The following CALD1 variants were observed in gnomAD, a reference collection of about 807,000 sequenced individuals.
CALD1 encodes caldesmon 1.
In CALD1, 33 loss-of-function variants were observed where a neutral mutation model predicts 99.9. The ratio of observed to expected loss-of-function variants is 0.33; its 90% confidence interval spans 0.25 to 0.44. The LOEUF is 0.44. Among genes scored for constraint, CALD1 ranks in the 20% least tolerant of loss-of-function variants. The pLI, the probability that CALD1 is intolerant of heterozygous loss-of-function variation, is 1.00. For missense variants in CALD1, 861 were observed against 962.1 expected (o/e 0.89, Z 1.39); for synonymous variants, 310 against 325.0 (o/e 0.95, Z 0.50).
chr7:134,782,429 C>T (rs970388465), intron 1 of CALD1, among the ~76,000 whole-genome samples: 12 of 152,168 alleles, frequency 7.9e-5, no homozygotes, highest in Non-Finnish European at 1.5e-4. Flanking sequence ...ATCTGTCAGG[C>T]TAATCCAAGT....
chr7:134,845,346 T>G (rs1799808693), intron 2 of CALD1, among the ~76,000 whole-genome samples: 1 of 152,222 alleles, frequency 6.6e-6, no homozygotes, highest in Non-Finnish European at 1.5e-5. Context: ...ATTTATTTGC[T>G]TTAAGACTGT....
chr7:134,820,697 A>C (rs906701147), intron 1 of CALD1, among the ~76,000 whole-genome samples: 3 of 152,152 alleles, frequency 2.0e-5, no homozygotes, highest in African/African-American at 7.2e-5. Context: ...ATTTTCCATA[A>C]ATGCTAGATG....
At chr7:134,835,091 G>A (rs1052146866) in intron 1 of CALD1, among the ~76,000 whole-genome samples, 1 of 152,214 alleles carries the variant, frequency 6.6e-6, no homozygotes, top group African/African-American at 2.4e-5. Context: ...TCTTTCAGCT[G>A]AATGTGCAAA....
At chr7:134,848,782 C>T (rs546700464) in intron 2 of CALD1, among the ~76,000 whole-genome samples, 64 of 152,224 alleles carry the variant, frequency 4.2e-4, no homozygotes, top group African/African-American at 1.3e-3. Flanking sequence ...TGAGAGACTC[C>T]GGGAATCTAG....
intron 1 of CALD1, among the ~76,000 whole-genome samples, chr7:134,821,621 CA>C (rs1401749908): frequency 1.4e-5 from 1 of 70,788 alleles, no homozygotes; most frequent in East Asian, 1.0e-3. Flanking sequence ...CTCGCTCCGT[CA>C]CCCAGGCTGG....
chr7:134,818,389 A>G (rs1311034493), intron 1 of CALD1, among the ~76,000 whole-genome samples: 1 of 152,238 alleles, frequency 6.6e-6, no homozygotes, highest in Non-Finnish European at 1.5e-5. Flanking sequence ...AAGGAAAAGT[A>G]AATTGCTTTC....
At chr7:134,724,621 G>C in the CALD1 span, among the ~76,000 whole-genome samples, 3 of 152,210 alleles carry the variant, frequency 2.0e-5, no homozygotes, top group Non-Finnish European at 4.4e-5. Context: ...ATAGTCAGTA[G>C]CTGGCTAAAG....
At chr7:134,895,294 ATGTATGTGTGTG>A (rs1371938690) in intron 3 of CALD1, among the ~76,000 whole-genome samples, 10 of 122,732 alleles carry the variant, frequency 8.1e-5, no homozygotes, top group African/African-American at 2.7e-4. Context: ...GGTTTTATAT[ATGTATGTGTGTG>A]TGTGTGTGTG....
chr7:134,958,473 A>G (rs991635454), intron 11 of CALD1, among the ~76,000 whole-genome samples, 183 bp downstream of exon 11: 42 of 148,204 alleles, frequency 2.8e-4, no homozygotes, highest in African/African-American at 1.0e-3. Flanking sequence ...TGCAATGGCA[A>G]TCTCAGCTCA....
chr7:134,802,855 AC>A (rs750033708), intron 1 of CALD1, among the ~76,000 whole-genome samples: 2 of 152,240 alleles, frequency 1.3e-5, no homozygotes, highest in Non-Finnish European at 2.9e-5. Context: ...AGATTCAAGT[AC>A]CTTTTTCCGT....
At chr7:134,733,853 A>AATGATAT in the CALD1 span, among the ~76,000 whole-genome samples, 3 of 150,972 alleles carry the variant, frequency 2.0e-5, no homozygotes, top group Non-Finnish European at 4.4e-5. Flanking sequence ...AGGTCTGCTA[A>AATGATAT]ATGATATTAA....
Position 134,969,153 on chromosome 7 carries a change from T to TA in CALD1, c.*814dup, listed in dbSNP as rs766262287. On this transcript the variant is annotated 3_prime_UTR_variant, in exon 15 of 15. Transcript: ENST00000361675. ...GCCAATATCACAGCTTTTGAAAAAT[T>TA]AAAAAATCACACTATATTAATATTT... The TA allele has an allele frequency of 1.3e-5, 2 of 152,722 alleles. No homozygotes were observed. Among genetic ancestry groups the TA allele is most frequent in the African/African-American group, 2.4e-5 (1 of 41,442 alleles). 9.5% of individuals were successfully genotyped at this position (152,722 alleles called of 1,614,324 possible).
intron 1 of CALD1, among the ~76,000 whole-genome samples, chr7:134,756,930 C>T (rs377372608): frequency 5.5e-4 from 83 of 152,188 alleles, no homozygotes; most frequent in African/African-American, 2.0e-3. Flanking sequence ...CTGAAAGTAG[C>T]GCTATGCGTA....
chr7:134,793,603 C>T (rs942632729), intron 1 of CALD1, among the ~76,000 whole-genome samples: 6 of 152,104 alleles, frequency 3.9e-5, no homozygotes, highest in African/African-American at 1.2e-4. Flanking sequence ...CTGTCTTAGG[C>T]CAGGGGTAGT....
intron 1 of CALD1, among the ~76,000 whole-genome samples, chr7:134,821,091 G>T (rs963253061): frequency 2.0e-5 from 3 of 152,050 alleles, no homozygotes; most frequent in Non-Finnish European, 4.4e-5. Flanking sequence ...GTTGGAATTT[G>T]TGATTACACC....
chr7:134,885,450 T>A (rs748755947), intron 3 of CALD1, among the ~76,000 whole-genome samples: 10 of 152,214 alleles, frequency 6.6e-5, no homozygotes, highest in Non-Finnish European at 1.3e-4. Flanking sequence ...AGGAAATCAA[T>A]ATTTTTTAAG....
At chr7:134,932,799 A>G (rs149128057) in intron 4 of CALD1, among the ~76,000 whole-genome samples, 189 bp from the exon 5 acceptor site, 5 of 152,344 alleles carry the variant, frequency 3.3e-5, no homozygotes, top group Non-Finnish European at 5.9e-5. Context: ...TCCAGTCCCC[A>G]GAGAAAGGCT....
intron 1 of CALD1, among the ~76,000 whole-genome samples, chr7:134,746,175 A>T (rs1796632975): frequency 6.6e-6 from 1 of 152,196 alleles, no homozygotes; most frequent in African/African-American, 2.4e-5. Flanking sequence ...TAACTCCAAG[A>T]TGATAATATT....
At chr7:134,904,615 T>C (rs902359286) in intron 3 of CALD1, among the ~76,000 whole-genome samples, 8 of 152,164 alleles carry the variant, frequency 5.3e-5, no homozygotes, top group African/African-American at 1.9e-4. Flanking sequence ...GGCTGAAGTT[T>C]GTTGGGGCAG....
Sources: allele counts gnomAD v4.1 joint callset (sites outside exome capture counted in the v4.1 genomes callset), GRCh38; gene constraint gnomAD v4.1.1; transcripts MANE v1.5; gene names NCBI Gene and HGNC (gene_info 2026-07-23, HGNC 2026-07-21).